The following HHIP variants were observed in gnomAD, a reference collection of about 807,000 sequenced individuals.
HHIP encodes the protein hedgehog interacting protein, also known as hedgehog-interacting protein.
In HHIP, 12 loss-of-function variants were observed where a neutral mutation model predicts 74.0. That is an observed-to-expected ratio of 0.16 (90% confidence interval 0.10 to 0.26). The LOEUF (loss-of-function observed/expected upper bound fraction) is 0.26, where lower values mean the gene tolerates loss of function less well. HHIP is among the 10% of genes least tolerant of loss of function. The probability of loss-of-function intolerance (pLI) is 1.00; values close to 1 mark genes in which losing one functional copy is unlikely to be tolerated. For synonymous variants in HHIP, 309 were observed against 311.6 expected (o/e 0.99, Z 0.09); for missense variants, 788 against 845.0 (o/e 0.93, Z 0.84).
At chr4:144,725,829 C>T (rs939223294) in intron 11 of HHIP, among the ~76,000 whole-genome samples, 2 of 151,996 alleles carry the variant, frequency 1.3e-5, no homozygotes, top group Non-Finnish European at 2.9e-5. Flanking sequence ...CTACCAAACC[C>T]GGCTAATTTT....
intron 1 of HHIP, chr4:144,647,165 T>C (rs1728291243): frequency 3.9e-6 from 2 of 513,052 alleles, no homozygotes. Context: ...GCGGTCGGGA[T>C]GCTGTGCAAA....
intron 1 of HHIP, among the ~76,000 whole-genome samples, chr4:144,649,571 A>C (rs1362488899): frequency 6.6e-6 from 1 of 152,148 alleles, no homozygotes; most frequent in Non-Finnish European, 1.5e-5. Flanking sequence ...ATATTTTCGC[A>C]CTTTCTAAAT....
chr4:144,668,043 C>T (rs923321540), intron 4 of HHIP, among the ~76,000 whole-genome samples: 1 of 151,906 alleles, frequency 6.6e-6, no homozygotes, highest in Admixed American at 6.6e-5. Flanking sequence ...TCAGGCCAGG[C>T]GCAGTGGCTC....
At position 144,712,059 on chromosome 4, in the gene HHIP, G is replaced by C. The variant is rs765459783; in HGVS notation, c.1411G>C (p.Gly471Arg). The change falls in exon 8 of 13, where the codon GGG (glycine) becomes CGG (arginine). Residue 471 changes from glycine to arginine, a missense_variant. Gly to Arg is a moderately radical substitution (Grantham distance 125, BLOSUM62 -2). Coordinates refer to ENST00000296575, the MANE Select transcript of HHIP (RefSeq NM_022475.3). Reference protein sequence around the residue: ...SSARILQIIKGKDYESEPSLL... With the variant: ...SSARILQIIKRKDYESEPSLL... Reference sequence around the variant, plus strand: ...AGCCAGAATTCTACAGATAATAAAGGGGAAAGATTATGGTATGTAGAGCAT... The same window carrying C: ...AGCCAGAATTCTACAGATAATAAAGCGGAAAGATTATGGTATGTAGAGCAT... 1 of 1,612,816 alleles carries C rather than the reference G, an allele frequency of 6.2e-7. No individual in the cohort carries two copies. Among genetic ancestry groups the C allele is most frequent in the East Asian group, 2.2e-5 (1 of 44,854 alleles).
chr4:144,723,158 T>G (rs1440196771), intron 11 of HHIP, among the ~76,000 whole-genome samples: 2 of 152,202 alleles, frequency 1.3e-5, no homozygotes, highest in East Asian at 1.9e-4. Flanking sequence ...TTAATTATTA[T>G]GTACCCACTC....
intron 4 of HHIP, among the ~76,000 whole-genome samples, chr4:144,692,291 A>C (rs1485500510): frequency 2.6e-5 from 4 of 152,174 alleles, no homozygotes; most frequent in Non-Finnish European, 5.9e-5. Flanking sequence ...CTGTCATGTA[A>C]TAGAGCCCAC....
At chr4:144,665,152 G>A (rs1180552586) in intron 4 of HHIP, among the ~76,000 whole-genome samples, 2 of 152,074 alleles carry the variant, frequency 1.3e-5, no homozygotes, top group East Asian at 3.8e-4. Context: ...TCAGCTCACT[G>A]TAACCTCCTG....
At chr4:144,719,820 T>C (rs796449204) in intron 11 of HHIP, among the ~76,000 whole-genome samples, 47 of 152,346 alleles carry the variant, frequency 3.1e-4, no homozygotes, top group African/African-American at 1.1e-3. Context: ...TTCTATACTA[T>C]TTTCATGACT....
intron 11 of HHIP, among the ~76,000 whole-genome samples, chr4:144,727,829 A>G (rs2126682178): frequency 6.6e-6 from 1 of 152,298 alleles, no homozygotes; most frequent in African/African-American, 2.4e-5. Flanking sequence ...AGTGAGATTA[A>G]TAGGACCTGA....
chr4:144,647,042 G>A (rs1728284398), intron 1 of HHIP, 88 bp downstream of exon 1: 2 of 1,257,252 alleles, frequency 1.6e-6, no homozygotes, highest in African/African-American at 1.5e-5. Flanking sequence ...GTGGTTGTAA[G>A]AAGGTCAAAA....
At chr4:144,695,108 G>C (rs1306764620) in intron 4 of HHIP, among the ~76,000 whole-genome samples, 1 of 151,648 alleles carries the variant, frequency 6.6e-6, no homozygotes, top group Non-Finnish European at 1.5e-5. Context: ...TATTCCAAAG[G>C]AAATACTTGC....
intron 4 of HHIP, 36 bp downstream of exon 4, chr4:144,659,874 C>T (rs1229280800): frequency 6.7e-7 from 1 of 1,483,066 alleles, no homozygotes; most frequent in Non-Finnish European, 9.4e-7. Context: ...TTTGTGCTGG[C>T]TACGTTAATT....
At chr4:144,723,503 C>G (rs1730696621) in intron 11 of HHIP, among the ~76,000 whole-genome samples, 1 of 152,212 alleles carries the variant, frequency 6.6e-6, no homozygotes, top group East Asian at 1.9e-4. Context: ...AGGGAGCCAG[C>G]AGGCAGCTCT....
At chr4:144,652,042 T>A (rs1467540782) in intron 1 of HHIP, among the ~76,000 whole-genome samples, 2 of 152,040 alleles carry the variant, frequency 1.3e-5, no homozygotes, top group Admixed American at 6.6e-5. Flanking sequence ...TTATAAAACA[T>A]GAACAGCAAA....
intron 4 of HHIP, among the ~76,000 whole-genome samples, chr4:144,666,279 G>A (rs1410745541): frequency 6.6e-6 from 1 of 151,606 alleles, no homozygotes; most frequent in Non-Finnish European, 1.5e-5. Context: ...GTGTGTGTGT[G>A]TGTGTGTGTG....
At chr4:144,687,541 G>A (rs1275272978) in intron 4 of HHIP, among the ~76,000 whole-genome samples, 2 of 152,216 alleles carry the variant, frequency 1.3e-5, no homozygotes, top group Non-Finnish European at 2.9e-5. Flanking sequence ...TACTAGATGT[G>A]CTCATAGTGT....
chr4:144,648,775 G>C (rs993042608), intron 1 of HHIP: 1 of 152,174 alleles, frequency 6.6e-6, no homozygotes, highest in Non-Finnish European at 1.5e-5. Flanking sequence ...AAGGGGAAGG[G>C]GGATGGGACC....
intron 11 of HHIP, among the ~76,000 whole-genome samples, chr4:144,726,826 C>A (rs1293861526): frequency 6.6e-6 from 1 of 152,202 alleles, no homozygotes; most frequent in Non-Finnish European, 1.5e-5. Context: ...TCTCTCGATG[C>A]ATCCCACAGT....
In HHIP at chr4:144,646,321, TG is replaced by T; in HGVS notation, c.-354del. 4.6e-6 allele frequency: 1 copy of T among 216,124 alleles called. No individual in the cohort carries two copies. Among genetic ancestry groups the T allele is most frequent in the Non-Finnish European group, 9.2e-6 (1 of 109,260 alleles). 13.4% of individuals were successfully genotyped at this position (216,124 alleles called of 1,614,324 possible). ...CCCGTTACACGGACAAGTGAACATC[TG>T]TGGCTGTCCTCTCCTTTTCTTCCTC... On this transcript the variant is annotated 5_prime_UTR_variant, in exon 1 of 13. It introduces an in-frame stop codon into an upstream open reading frame of the 5' UTR. Coordinates refer to ENST00000296575, the MANE Select transcript of HHIP (RefSeq NM_022475.3).
Sources: allele counts gnomAD v4.1 joint callset (sites outside exome capture counted in the v4.1 genomes callset), GRCh38; gene constraint gnomAD v4.1.1; transcripts MANE v1.5; gene names NCBI Gene and HGNC (gene_info 2026-07-23, HGNC 2026-07-21).